The following GLIS1 variants were observed in gnomAD, a reference collection of about 807,000 sequenced individuals.
GLIS1 encodes the protein GLIS family zinc finger 1.
In GLIS1, 24 loss-of-function variants were observed where a neutral mutation model predicts 63.8. That is an observed-to-expected ratio of 0.38 (90% confidence interval 0.27 to 0.53). GLIS1 has a LOEUF of 0.53. Ranked by LOEUF, GLIS1 falls within the 20% of genes least tolerant of loss-of-function variation. The probability of loss-of-function intolerance (pLI) is 0.85; values close to 1 mark genes in which losing one functional copy is unlikely to be tolerated. For synonymous variants in GLIS1, 450 were observed against 482.5 expected (o/e 0.93, Z 0.88); for missense variants, 1,036 against 1,074.1 (o/e 0.96, Z 0.50).
Position 53,509,174 on chromosome 1 carries a change from T to TGAAACCGTGGGTC in GLIS1, c.2163_2175dup (p.Asn726AspfsTer25). 1 of 1,601,756 alleles carries TGAAACCGTGGGTC rather than the reference T, an allele frequency of 6.2e-7. No individual in the cohort carries two copies. Among genetic ancestry groups the TGAAACCGTGGGTC allele is most frequent in the Non-Finnish European group, 8.5e-7 (1 of 1,174,954 alleles). On this transcript the variant is annotated frameshift_variant, in exon 10 of 11. Coordinates refer to ENST00000628545, the MANE Select transcript of GLIS1 (RefSeq NM_001367484.1). LOFTEE classifies it high-confidence loss of function. ...TGGTAGCCATTGGGCCGCAGGGGGT[T>TGAAACCGTGGGTC]GAAACCGTGGGTCTCCCCGACCAGT...
chr1:53,531,549 C>T (rs760731746), intron 4 of GLIS1, among the ~76,000 whole-genome samples: 10 of 152,206 alleles, frequency 6.6e-5, no homozygotes, highest in Admixed American at 3.3e-4. Flanking sequence ...TGGTGCGAGG[C>T]TGTTCACTGG....
chr1:53,559,501 G>A (rs1027970435), intron 4 of GLIS1, among the ~76,000 whole-genome samples: 1 of 152,178 alleles, frequency 6.6e-6, no homozygotes, highest in African/African-American at 2.4e-5. Flanking sequence ...CCCTGATCCT[G>A]CCAGGCGACC....
intron 8 of GLIS1, among the ~76,000 whole-genome samples, chr1:53,510,515 C>T (rs2280511): frequency 0.69 from 104,836 of 152,068 alleles, 38,749 homozygotes; most frequent in Non-Finnish European, 0.83. Context: ...ATTCACTGAG[C>T]CCCTGACTTG....
At chr1:53,697,407 A>G (rs1646476438) in intron 2 of GLIS1, among the ~76,000 whole-genome samples, 1 of 152,130 alleles carries the variant, frequency 6.6e-6, no homozygotes, top group African/African-American at 2.4e-5. Flanking sequence ...CGTTCTGCCT[A>G]AGGGACCTCT....
rs1407601743 is a variant in GLIS1, at chr1:53,735,014, T to C, written c.259+2792A>G. On this transcript the variant is annotated intron_variant, in intron 2 of 10. Transcript: ENST00000628545. ...CAGTGCCTCCCGATTCCAGATCAAATACACAGGCCCCAGACATTTATGGAT... is the reference window on the plus strand; with the variant it reads ...CAGTGCCTCCCGATTCCAGATCAAACACACAGGCCCCAGACATTTATGGAT... Among the ~76,000 whole-genome samples, 6 of 152,266 alleles carry C rather than the reference T, an allele frequency of 3.9e-5. No individual in the cohort carries two copies. The East Asian group carries it at 1.2e-3, about 29-fold the overall frequency.
chr1:53,669,004 G>A (rs1395939385), intron 2 of GLIS1, among the ~76,000 whole-genome samples: 1 of 152,114 alleles, frequency 6.6e-6, no homozygotes, highest in Non-Finnish European at 1.5e-5. Flanking sequence ...CCCCTTTGGC[G>A]CTCCTAACCC....
Position 53,649,438 on chromosome 1 carries a change from T to C in GLIS1, c.260-49160A>G, listed in dbSNP as rs999822780. 1.1e-4 allele frequency among the ~76,000 whole-genome samples: 16 copies of C among 152,230 alleles called. No homozygotes were observed. The East Asian group carries it at 3.1e-3, about 29-fold the overall frequency. Reference sequence around the variant, plus strand: ...ATCATCTCCGTGTGAGCAGTTCACCTCTCCAGTATATTGCGCACCACAGTA... The same window carrying C: ...ATCATCTCCGTGTGAGCAGTTCACCCCTCCAGTATATTGCGCACCACAGTA... On this transcript the variant is annotated intron_variant, in intron 2 of 10. Coordinates refer to ENST00000628545, the MANE Select transcript of GLIS1 (RefSeq NM_001367484.1).
At chr1:53,678,793 G>A (rs1227169692) in intron 2 of GLIS1, among the ~76,000 whole-genome samples, 1 of 152,196 alleles carries the variant, frequency 6.6e-6, no homozygotes, top group East Asian at 1.9e-4. Flanking sequence ...AGGGGGAAAG[G>A]TCTCTGACCT....
At chr1:53,587,505 G>A (rs1645147760) in intron 4 of GLIS1, among the ~76,000 whole-genome samples, 1 of 152,152 alleles carries the variant, frequency 6.6e-6, no homozygotes, top group East Asian at 1.9e-4. Flanking sequence ...GATTCTCCAG[G>A]GCAGCTTTTT....
rs368004612 is a variant in GLIS1, at chr1:53,628,784, T to C, written c.260-28506A>G. The stretch of plus-strand genomic sequence containing the variant: ...AACCACAGGGTGGAGACGGGATGGA[T>C]TTAACAACCAAAGGCTACAATATAG... On this transcript the variant is annotated intron_variant, in intron 2 of 10. Coordinates refer to ENST00000628545, the MANE Select transcript of GLIS1 (RefSeq NM_001367484.1). Among the ~76,000 whole-genome samples, 11 of 152,010 alleles carry C rather than the reference T, an allele frequency of 7.2e-5. No homozygotes were observed. In the East Asian group the frequency reaches 1.4e-3, roughly 19 times the overall value.
intron 4 of GLIS1, among the ~76,000 whole-genome samples, chr1:53,568,398 G>C (rs561299033): frequency 3.0e-4 from 45 of 152,288 alleles, no homozygotes; most frequent in African/African-American, 1.1e-3. Context: ...GTAGGTGGGA[G>C]GGACTTGTCT....
At chr1:53,555,075 C>T (rs971192639) in intron 4 of GLIS1, among the ~76,000 whole-genome samples, 4 of 152,330 alleles carry the variant, frequency 2.6e-5, no homozygotes, top group South Asian at 4.2e-4. Flanking sequence ...TCAGAAAGAA[C>T]CCCATGCACT....
intron 4 of GLIS1, among the ~76,000 whole-genome samples, chr1:53,589,413 G>C (rs559518959): frequency 6.6e-6 from 1 of 152,214 alleles, no homozygotes; most frequent in Admixed American, 6.5e-5. Context: ...TGGCGGAGGG[G>C]GGTAAAGGTT....
chr1:53,547,507 G>T (rs927632384), intron 4 of GLIS1, among the ~76,000 whole-genome samples: 1 of 152,216 alleles, frequency 6.6e-6, no homozygotes. Context: ...GATGGAAGGT[G>T]TCACTTACCT....
chr1:53,571,290 G>A (rs1050673742), intron 4 of GLIS1, among the ~76,000 whole-genome samples: 1 of 152,204 alleles, frequency 6.6e-6, no homozygotes, highest in African/African-American at 2.4e-5. Context: ...TATGCTGTAG[G>A]TGCGAGTATA....
rs761944746 is a variant in GLIS1 at position 53,594,224 on chromosome 1, C to T, written c.1204G>A (p.Glu402Lys). Reference protein sequence around the residue: ...EKSHIDQRKGEDFTCFWAGCV... With the variant: ...EKSHIDQRKGKDFTCFWAGCV... The stretch of plus-strand genomic sequence containing the variant: ...CCAGCCCAGAAGCAGGTGAAGTCCT[C>T]GCCCTTGCGCTGGTCGATGTGGCTC... The change falls in exon 4 of 11, where the codon GAG becomes AAG. Residue 402 changes from glutamate (E) to lysine (K), a missense_variant. Glu to Lys is a moderately conservative substitution (Grantham distance 56). This residue lies in a region of GLIS1 where 592 missense variants were observed against 593.9 expected (regional missense o/e 1.00). Coordinates refer to ENST00000628545, the MANE Select transcript of GLIS1 (RefSeq NM_001367484.1). 1.8e-5 allele frequency: 29 copies of T among 1,613,818 alleles called. No homozygotes were observed. The highest frequency in any genetic ancestry group is 6.7e-5 in the East Asian group (3 of 44,888).
intron 2 of GLIS1, among the ~76,000 whole-genome samples, chr1:53,663,055 G>A (rs548424490): frequency 4.6e-5 from 7 of 152,006 alleles, no homozygotes; most frequent in Non-Finnish European, 7.4e-5. Context: ...AGCATCTGTC[G>A]CAGCTCTCCC....
At chr1:53,687,726 G>A (rs577752916) in intron 2 of GLIS1, among the ~76,000 whole-genome samples, 9 of 152,294 alleles carry the variant, frequency 5.9e-5, no homozygotes, top group African/African-American at 9.6e-5. Flanking sequence ...ACGAAGGGAC[G>A]GACAGTGGGC....
At chr1:53,655,325 C>T (rs867018448) in intron 2 of GLIS1, among the ~76,000 whole-genome samples, 6 of 152,168 alleles carry the variant, frequency 3.9e-5, no homozygotes, top group Admixed American at 1.3e-4. Flanking sequence ...CGAGTTGTCT[C>T]CAACTTTTTT....
Sources: allele counts gnomAD v4.1 joint callset (sites outside exome capture counted in the v4.1 genomes callset), GRCh38; gene constraint gnomAD v4.1.1; regional missense constraint gnomAD v4.1.1; transcripts MANE v1.5; gene names NCBI Gene and HGNC (gene_info 2026-07-23, HGNC 2026-07-21).